The following RUFY2 variants were observed in gnomAD, a reference collection of about 807,000 sequenced individuals.
RUFY2 encodes the protein RUN and FYVE domain containing 2.
A neutral mutation model predicts 94.4 loss-of-function variants in RUFY2; 49 were observed. The ratio of observed to expected loss-of-function variants is 0.52; its 90% CI spans 0.41 to 0.66. The LOEUF (loss-of-function observed/expected upper bound fraction) is 0.66, where lower values mean the gene tolerates loss of function less well. Among genes scored for constraint, RUFY2 ranks in the 30% least tolerant of loss-of-function variants. The pLI, the probability that RUFY2 is intolerant of heterozygous loss-of-function variation, is 0.00. For synonymous variants in RUFY2, 255 were observed against 235.7 expected (o/e 1.08, Z -0.75); for missense variants, 541 against 692.8 (o/e 0.78, Z 2.46).
At chr10:68,404,128 A>G (rs1189056528) in intron 2 of RUFY2, among the ~76,000 whole-genome samples, 16 of 152,250 alleles carry the variant, frequency 1.1e-4, no homozygotes, top group Admixed American at 5.2e-4. Context: ...ATATTTTTAA[A>G]TTAAATATAA....
Position 68,379,409 on chromosome 10 carries a change from C to G in RUFY2, c.1205+15G>C, listed in dbSNP as rs180734554. 2 of 1,563,018 alleles carry G rather than the reference C, an allele frequency of 1.3e-6. No homozygotes were observed. Among genetic ancestry groups the G allele is most frequent in the Admixed American group, 4.0e-5 (2 of 50,362 alleles). On this transcript the variant is annotated intron_variant, in intron 12 of 17. Transcript: ENST00000602465. ...AAGAAAAGAAAAAAAGAAACTAAGA[C>G]TGGAAATGCTGTACCTTTGTTCCAG... is the stretch of plus-strand genomic sequence containing the variant.
chr10:68,379,127 A>AT (rs1223788274), intron 12 of RUFY2: 11 of 287,864 alleles, frequency 3.8e-5, no homozygotes, highest in Non-Finnish European at 7.0e-5. Flanking sequence ...TTCATTTTTA[A>AT]TTTTTTTGAC....
intron 15 of RUFY2, among the ~76,000 whole-genome samples, chr10:68,360,831 G>C (rs1012056946): frequency 1.3e-5 from 2 of 151,992 alleles, no homozygotes. Flanking sequence ...CCAGTAAGTG[G>C]AGGTTGCAGT....
chr10:68,394,189 A>T, intron 5 of RUFY2, 53 bp from the exon 6 acceptor site: 1 of 1,503,372 alleles, frequency 6.7e-7, no homozygotes. Context: ...ACTTTATCAG[A>T]AGTACCTTTA....
At chr10:68,393,027 C>T (rs954202290) in intron 7 of RUFY2, 111 bp downstream of exon 7, 2 of 470,796 alleles carry the variant, frequency 4.2e-6, no homozygotes, top group African/African-American at 4.1e-5. Context: ...TCTCTATCCC[C>T]TCAACCCCTT....
rs1554869876 is a variant in RUFY2, at chr10:68,343,808, T to TTAAAAAAAAAAAAAAAAAA, written c.*1959_*1960insTTTTTTTTTTTTTTTTTTA. ...GCAAGTTGCTGTCATAAAAGCTGCCTAAAAAAAAAAAAAAAAAAAAAAAAA... is the reference window on the plus strand; with the variant it reads ...GCAAGTTGCTGTCATAAAAGCTGCCTTAAAAAAAAAAAAAAAAAAAAAAAAAAAAAAAAAAAAAAAAAAA... On this transcript the variant is annotated 3_prime_UTR_variant, in exon 18 of 18. Transcript: ENST00000602465. 2 of 115,682 alleles carry TTAAAAAAAAAAAAAAAAAA rather than the reference T, an allele frequency of 1.7e-5. No homozygotes were observed. The highest frequency in any genetic ancestry group is 3.9e-5 in the African/African-American group (1 of 25,394). 7.2% of individuals were successfully genotyped at this position (115,682 alleles called of 1,614,324 possible).
At chr10:68,375,761 G>A (rs1332896270) in intron 13 of RUFY2, among the ~76,000 whole-genome samples, 1 of 149,288 alleles carries the variant, frequency 6.7e-6, no homozygotes, top group Admixed American at 6.7e-5. Flanking sequence ...AGGCGATAGA[G>A]CGAGACTCCA....
At chr10:68,361,583 A>G (rs888369938) in intron 15 of RUFY2, among the ~76,000 whole-genome samples, 3 of 152,336 alleles carry the variant, frequency 2.0e-5, no homozygotes, top group Non-Finnish European at 2.9e-5. Flanking sequence ...AATCTTGCTT[A>G]TCAGAACCAC....
chr10:68,401,545 A>G (rs2050850126), intron 3 of RUFY2, 75 bp downstream of exon 3: 1 of 853,322 alleles, frequency 1.2e-6, no homozygotes, highest in African/African-American at 1.7e-5. Flanking sequence ...ACAATAAGCT[A>G]GAGTGTGAGG....
intron 15 of RUFY2, 38 bp from the exon 16 acceptor site, chr10:68,355,439 A>G (rs1423835964): frequency 8.0e-7 from 1 of 1,245,074 alleles, no homozygotes; most frequent in South Asian, 1.2e-5. Context: ...TTCAGTACAC[A>G]TATTTAAATA....
chr10:68,404,643 G>T (rs755379063), intron 2 of RUFY2, 28 bp downstream of exon 2: 3 of 1,469,570 alleles, frequency 2.0e-6, no homozygotes, highest in Non-Finnish European at 2.7e-6. Context: ...ATTCTAAAAT[G>T]AATTAATTTT....
At chr10:68,377,185 G>C in intron 12 of RUFY2, 2 of 1,399,144 alleles carry the variant, frequency 1.4e-6, no homozygotes, top group East Asian at 5.4e-5. Context: ...CATGTAGTAT[G>C]CCCAGAATAC....
In RUFY2 at chr10:68,404,651, T is replaced by G. The variant is rs2133269908; in HGVS notation, c.178+20A>C. 4.0e-6 allele frequency: 6 copies of G among 1,496,396 alleles called. No homozygotes were observed. Among genetic ancestry groups the G allele is most frequent in the East Asian group, 2.4e-5 (1 of 40,942 alleles). The allele number at this position is 1,496,396 out of a possible 1,614,324, so 92.7% of individuals were successfully genotyped here. ...AACGGAAATTCTAAAATGAATTAAT[T>G]TTTTAAAATCTCATGATACCTTTAA... On this transcript the variant is annotated intron_variant, in intron 2 of 17. Coordinates refer to ENST00000602465, the MANE Select transcript of RUFY2 (RefSeq NM_001330103.2).
At position 68,344,713 on chromosome 10, in the gene RUFY2, A is replaced by G. The variant is rs1564765922; in HGVS notation, c.*1055T>C. On this transcript the variant is annotated 3_prime_UTR_variant, in exon 18 of 18. Coordinates refer to ENST00000602465, the MANE Select transcript of RUFY2 (RefSeq NM_001330103.2). Reference sequence around the variant, plus strand: ...AAAAAAAGAAATAGGTCAAGTGTATATTTCATCATCTCAACACCCTTGGCA... The same window carrying G: ...AAAAAAAGAAATAGGTCAAGTGTATGTTTCATCATCTCAACACCCTTGGCA... 6.6e-6 allele frequency: 1 copy of G among 152,270 alleles called. No individual in the cohort carries two copies. The highest frequency in any genetic ancestry group is 1.9e-4 in the East Asian group (1 of 5,200). The allele number at this position is 152,270 out of a possible 1,614,324, so 9.4% of individuals were successfully genotyped here. A position where few individuals can be genotyped will look rare whatever the true frequency, so the allele number is the denominator to read the frequency against.
chr10:68,394,104 C>A lies in RUFY2; in HGVS notation c.555G>T (p.Lys185Asn). 1 of 1,502,878 alleles carries A rather than the reference C, an allele frequency of 6.7e-7. No individual in the cohort carries two copies. Among genetic ancestry groups the A allele is most frequent in the Non-Finnish European group, 8.9e-7 (1 of 1,120,922 alleles). The allele number at this position is 1,502,878 out of a possible 1,614,324, so 93.1% of individuals were successfully genotyped here. The change falls in exon 6 of 18, where the codon AAG (lysine) becomes AAT (asparagine). Residue 185 changes from lysine to asparagine, a missense_variant. Lys to Asn is a moderately conservative substitution (Grantham distance 94). Around this residue, in one of 3 missense-constraint regions of RUFY2, gnomAD observed 403 missense variants for 480.7 expected, o/e 0.84. Coordinates refer to ENST00000602465, the MANE Select transcript of RUFY2 (RefSeq NM_001330103.2). The stretch of plus-strand genomic sequence containing the variant: ...CTTTATTTCCAATATCTTCTTCATT[C>A]TTTAAATACATAGAAAAATCAATCA... ...VGVIDFSMYL[K>N]NEEDIGNKER...
At chr10:68,400,431 C>T (rs1017166086) in intron 3 of RUFY2, among the ~76,000 whole-genome samples, 3 of 151,984 alleles carry the variant, frequency 2.0e-5, no homozygotes, top group Admixed American at 1.3e-4. Flanking sequence ...AATCCCAGCA[C>T]TTTGGGAGGC....
chr10:68,356,461 A>T (rs2047063060), intron 15 of RUFY2, among the ~76,000 whole-genome samples: 1 of 152,020 alleles, frequency 6.6e-6, no homozygotes, highest in African/African-American at 2.4e-5. Flanking sequence ...AACCAAGATC[A>T]CACCACTGCA....
intron 3 of RUFY2, 57 bp downstream of exon 3, chr10:68,401,563 G>A: frequency 9.5e-7 from 1 of 1,052,154 alleles, no homozygotes; most frequent in Non-Finnish European, 1.5e-6. Context: ...AGGTACTTTG[G>A]AGGAACAATG....
chr10:68,366,300 A>G (rs1470582125), intron 13 of RUFY2, among the ~76,000 whole-genome samples: 1 of 138,142 alleles, frequency 7.2e-6, no homozygotes, highest in Non-Finnish European at 1.5e-5. Context: ...ACTGCACTCT[A>G]GCCTGGGTGA....
Sources: allele counts gnomAD v4.1 joint callset (sites outside exome capture counted in the v4.1 genomes callset), GRCh38; gene constraint gnomAD v4.1.1; regional missense constraint gnomAD v4.1.1; transcripts MANE v1.5; gene names NCBI Gene and HGNC (gene_info 2026-07-23, HGNC 2026-07-21).